Variants in LYPLAL1 observed in about 807,000 individuals in gnomAD.
The protein encoded by LYPLAL1 is lysophospholipase-like protein 1.
A neutral mutation model predicts 19.7 loss-of-function variants in LYPLAL1; 23 were observed. The ratio of observed to expected loss-of-function variants is 1.17; its 90% CI spans 0.84 to 1.65. The LOEUF (loss-of-function observed/expected upper bound fraction) is 1.65, where lower values mean the gene tolerates loss of function less well. Among genes scored for constraint, LYPLAL1 ranks in the 40% most tolerant of loss-of-function variants. The probability of loss-of-function intolerance (pLI) is 0.00; values close to 1 mark genes in which losing one functional copy is unlikely to be tolerated. For missense variants in LYPLAL1, 355 were observed against 279.4 expected, an observed-to-expected ratio of 1.27 and a Z score of -1.93; for synonymous variants, 119 against 96.3, an observed-to-expected ratio of 1.24 and a Z score of -1.38.
chr1:219,305,411 A>G, the LYPLAL1 span, among the ~76,000 whole-genome samples: 7 of 152,072 alleles, frequency 4.6e-5, no homozygotes, highest in African/African-American at 2.4e-5. Flanking sequence ...GAAGTTAGAA[A>G]AGAGACATAC....
chr1:219,282,736 A>T, the LYPLAL1 span, among the ~76,000 whole-genome samples: 1 of 152,192 alleles, frequency 6.6e-6, no homozygotes, highest in African/African-American at 2.4e-5. Flanking sequence ...TTCCAAAAAA[A>T]ATCAAATATA....
chr1:219,350,296 T>C, the LYPLAL1 span, among the ~76,000 whole-genome samples: 1 of 152,180 alleles, frequency 6.6e-6, no homozygotes, highest in African/African-American at 2.4e-5. Context: ...ATTTTTTTTT[T>C]CAATGTCAAA....
the LYPLAL1 span, among the ~76,000 whole-genome samples, chr1:219,255,311 T>C: frequency 6.6e-6 from 1 of 151,950 alleles, no homozygotes; most frequent in Non-Finnish European, 1.5e-5. Context: ...TAATTTTGAA[T>C]GTAGAGATCT....
At chr1:219,264,183 A>G in the LYPLAL1 span, among the ~76,000 whole-genome samples, 1 of 152,236 alleles carries the variant, frequency 6.6e-6, no homozygotes, top group Non-Finnish European at 1.5e-5. Context: ...ACACAGTACT[A>G]ACCAAAGAGT....
intron 3 of LYPLAL1, among the ~76,000 whole-genome samples, chr1:219,196,057 A>AT (rs1558233882): frequency 6.6e-6 from 1 of 151,986 alleles, no homozygotes; most frequent in Non-Finnish European, 1.5e-5. Context: ...CATGTACCAC[A>AT]TTTTCTTTAC....
At chr1:219,253,576 T>G in the LYPLAL1 span, among the ~76,000 whole-genome samples, 1 of 150,954 alleles carries the variant, frequency 6.6e-6, no homozygotes. Context: ...TTCCATATAA[T>G]TGCTTGTTTT....
At chr1:219,313,928 TA>T in the LYPLAL1 span, among the ~76,000 whole-genome samples, 1 of 152,228 alleles carries the variant, frequency 6.6e-6, no homozygotes, top group Non-Finnish European at 1.5e-5. Context: ...GTTACCCAAA[TA>T]ATAAGCATAG....
chr1:219,412,439 T>C, the LYPLAL1 span, among the ~76,000 whole-genome samples: 2 of 152,248 alleles, frequency 1.3e-5, no homozygotes, highest in Non-Finnish European at 2.9e-5. Context: ...CTATTGTTTT[T>C]ACTATTTTTA....
chr1:219,302,477 C>A, the LYPLAL1 span, among the ~76,000 whole-genome samples: 2 of 152,190 alleles, frequency 1.3e-5, no homozygotes, highest in African/African-American at 4.8e-5. Flanking sequence ...GTAGGAGGAG[C>A]ACGGTCCTCA....
At chr1:219,425,960 T>C in the LYPLAL1 span, among the ~76,000 whole-genome samples, 1 of 152,232 alleles carries the variant, frequency 6.6e-6, no homozygotes, top group African/African-American at 2.4e-5. Context: ...TTGAAGAGTT[T>C]TTCTCCTCGC....
rs187424334 is a variant in LYPLAL1 at position 219,200,073 on chromosome 1, T to C, written c.361+6822T>C. ...CAGTTGCTTTGCATCCTTCCATCTGTTGAACAATGTAACATGGTGCCAACC... is the reference window on the plus strand; with the variant it reads ...CAGTTGCTTTGCATCCTTCCATCTGCTGAACAATGTAACATGGTGCCAACC... On this transcript the variant is annotated intron_variant, in intron 3 of 4. Transcript: ENST00000366928. 191 of 229,478 alleles carry C rather than the reference T, an allele frequency of 8.3e-4. 1 individual carries two copies. Among genetic ancestry groups the C allele is most frequent in the African/African-American group, 4.0e-3 (173 of 43,718 alleles). 14.2% of individuals were successfully genotyped at this position (229,478 alleles called of 1,614,324 possible).
At chr1:219,200,257 C>A in intron 3 of LYPLAL1, 1 of 234,902 alleles carries the variant, frequency 4.3e-6, no homozygotes, top group Middle Eastern at 4.9e-4. Flanking sequence ...CCTCTATGAC[C>A]CCATGTATTC....
the LYPLAL1 span, among the ~76,000 whole-genome samples, chr1:219,335,807 C>T: frequency 6.6e-6 from 1 of 151,720 alleles, no homozygotes; most frequent in African/African-American, 2.4e-5. Flanking sequence ...TTGTTGATAT[C>T]ACAAAGCTTA....
At chr1:219,218,534 A>G in the LYPLAL1 span, among the ~76,000 whole-genome samples, 1 of 150,332 alleles carries the variant, frequency 6.7e-6, no homozygotes, top group Admixed American at 6.7e-5. Flanking sequence ...AGCTATTGTT[A>G]GTGTTAGTGT....
At chr1:219,335,475 A>G in the LYPLAL1 span, among the ~76,000 whole-genome samples, 8 of 152,028 alleles carry the variant, frequency 5.3e-5, no homozygotes, top group Admixed American at 2.6e-4. Flanking sequence ...ACTTAGCTGA[A>G]AAAAAAACAT....
chr1:219,416,939 TAAG>T, the LYPLAL1 span, among the ~76,000 whole-genome samples: 2 of 152,212 alleles, frequency 1.3e-5, no homozygotes, highest in African/African-American at 4.8e-5. Context: ...TTATGGATTT[TAAG>T]AAGAAGGCTA....
chr1:219,175,032 T>C (rs993743694), intron 1 of LYPLAL1: 1 of 985,274 alleles, frequency 1.0e-6, no homozygotes, highest in Admixed American at 6.1e-5. Flanking sequence ...TAGGCTTAAA[T>C]GGGACGGTGA....
At chr1:219,311,534 GTTT>G in the LYPLAL1 span, among the ~76,000 whole-genome samples, 1 of 144,978 alleles carries the variant, frequency 6.9e-6, no homozygotes, top group Non-Finnish European at 1.5e-5. Context: ...TGTTGTAGGT[GTTT>G]TTTTTTTTTT....
chr1:219,264,777 T>C, the LYPLAL1 span, among the ~76,000 whole-genome samples: 2 of 152,204 alleles, frequency 1.3e-5, no homozygotes, highest in Non-Finnish European at 2.9e-5. Context: ...AGGGAGCACA[T>C]TTATTGTGCA....
Sources: allele counts gnomAD v4.1 joint callset (sites outside exome capture counted in the v4.1 genomes callset), GRCh38; gene constraint gnomAD v4.1.1; transcripts MANE v1.5; gene names NCBI Gene and HGNC (gene_info 2026-07-23, HGNC 2026-07-21).